The following OPCML variants were observed in gnomAD, a reference collection of about 807,000 sequenced individuals.
OPCML encodes the protein opioid-binding protein/cell adhesion molecule.
Under a neutral mutation model 37.8 loss-of-function variants are expected in OPCML, and 13 were observed. The ratio of observed to expected loss-of-function variants is 0.34; its 90% CI spans 0.22 to 0.55. OPCML has a LOEUF of 0.55. Ranked by LOEUF, OPCML falls within the 20% of genes least tolerant of loss-of-function variation. The pLI is 0.91. For synonymous variants in OPCML, 176 were observed against 168.8 expected, an observed-to-expected ratio of 1.04 and a Z score of -0.33; for missense variants, 341 against 435.6, an observed-to-expected ratio of 0.78 and a Z score of 1.93.
At chr11:132,783,912 T>C (rs1947115119) in intron 2 of OPCML, among the ~76,000 whole-genome samples, 1 of 152,214 alleles carries the variant, frequency 6.6e-6, no homozygotes, top group Non-Finnish European at 1.5e-5. Flanking sequence ...AATGCAACTT[T>C]ATTACTTTTA....
chr11:132,875,913 A>G (rs1459536785), intron 2 of OPCML, among the ~76,000 whole-genome samples: 1 of 152,228 alleles, frequency 6.6e-6, no homozygotes, highest in Non-Finnish European at 1.5e-5. Context: ...TCGACATACA[A>G]ACTGCATTAT....
chr11:132,995,985 T>G (rs1224029785), intron 1 of OPCML, among the ~76,000 whole-genome samples: 1 of 152,190 alleles, frequency 6.6e-6, no homozygotes, highest in African/African-American at 2.4e-5. Flanking sequence ...AAGAGTCTTC[T>G]CTTTAGAGTC....
At chr11:132,827,806 A>ATTTTTT (rs1555195072) in intron 2 of OPCML, among the ~76,000 whole-genome samples, 20 of 112,374 alleles carry the variant, frequency 1.8e-4, no homozygotes, top group Middle Eastern at 5.2e-3. Flanking sequence ...CGCCTGGCTG[A>ATTTTTT]ATTTTTTTTT....
At chr11:132,762,805 CT>C (rs1188663808) in intron 2 of OPCML, among the ~76,000 whole-genome samples, 3 of 152,156 alleles carry the variant, frequency 2.0e-5, no homozygotes, top group Admixed American at 1.3e-4. Flanking sequence ...CTTCAGCCCC[CT>C]TTCCAGGGGA....
At chr11:132,542,023 C>T (rs2096357808) in intron 3 of OPCML, among the ~76,000 whole-genome samples, 1 of 152,196 alleles carries the variant, frequency 6.6e-6, no homozygotes, top group Admixed American at 6.5e-5. Flanking sequence ...AGCATCTTCT[C>T]ATTCTCTGCT....
chr11:132,545,092 C>T (rs906519828), intron 3 of OPCML, among the ~76,000 whole-genome samples: 11 of 152,170 alleles, frequency 7.2e-5, no homozygotes, highest in Non-Finnish European at 1.2e-4. Flanking sequence ...GTAATTGTCA[C>T]GTACATATGA....
chr11:133,198,992 C>T (rs565154885), intron 1 of OPCML, among the ~76,000 whole-genome samples: 2 of 152,226 alleles, frequency 1.3e-5, no homozygotes, highest in Non-Finnish European at 2.9e-5. Flanking sequence ...CTCTCCTGTA[C>T]ACCAAGAAAC....
At position 132,427,773 on chromosome 11, in the gene OPCML, C is replaced by T. The variant is rs576602843; in HGVS notation, c.917-7480G>A. Among the ~76,000 whole-genome samples, 5 of 152,332 alleles carry T rather than the reference C, an allele frequency of 3.3e-5. No individual in the cohort carries two copies. The South Asian group carries it at 8.3e-4, about 25-fold the overall frequency. Reference sequence around the variant, plus strand: ...AACGCTCAATGTTAAATTCTAAATGCTCAGGCTAATAGCCAGATGTCAATG... The same window carrying T: ...AACGCTCAATGTTAAATTCTAAATGTTCAGGCTAATAGCCAGATGTCAATG... On this transcript the variant is annotated intron_variant, in intron 7 of 7. Coordinates refer to ENST00000524381, the MANE Select transcript of OPCML (RefSeq NM_001012393.5).
intron 2 of OPCML, among the ~76,000 whole-genome samples, chr11:132,939,523 G>A (rs770389814): frequency 1.3e-5 from 2 of 152,128 alleles, no homozygotes; most frequent in Non-Finnish European, 2.9e-5. Context: ...CCAGTATGTT[G>A]GTGGGAACTT....
chr11:133,140,615 A>G (rs1427719011), intron 1 of OPCML, among the ~76,000 whole-genome samples: 1 of 147,696 alleles, frequency 6.8e-6, no homozygotes. Context: ...AAAGAGAAGA[A>G]GAGGAAGAGG....
chr11:132,515,604 G>C (rs935407114), intron 4 of OPCML, among the ~76,000 whole-genome samples: 1 of 152,140 alleles, frequency 6.6e-6, no homozygotes, highest in African/African-American at 2.4e-5. Context: ...CCTATCCAAG[G>C]CTGGAACATT....
At chr11:133,204,888 A>ATATATATATGTGTG (rs1555114230) in intron 1 of OPCML, among the ~76,000 whole-genome samples, 3 of 129,152 alleles carry the variant, frequency 2.3e-5, no homozygotes, top group Non-Finnish European at 3.3e-5. Context: ...ATATATATAT[A>ATATATATATGTGTG]TATATATATA....
At position 132,618,125 on chromosome 11, in the gene OPCML, CA is replaced by C. The variant is rs1264645533; in HGVS notation, c.379+38961del. ...GAATAAAAGTTGATGGAAGTGCTGC[CA>C]CCTTCAAAGCATGATGACAGCACCA... On this transcript the variant is annotated intron_variant, in intron 3 of 7. Transcript: ENST00000524381. Among the ~76,000 whole-genome samples, 5 of 152,146 alleles carry C rather than the reference CA, an allele frequency of 3.3e-5. 1 individual carries two copies. The highest frequency in any genetic ancestry group is 7.3e-5 in the Non-Finnish European group (5 of 68,040).
chr11:133,523,228 G>T (rs1018617011), intron 1 of OPCML, among the ~76,000 whole-genome samples: 1 of 152,070 alleles, frequency 6.6e-6, no homozygotes, highest in African/African-American at 2.4e-5. Flanking sequence ...AAGAAGTATG[G>T]GATTTCTAAA....
At chr11:132,686,032 C>T (rs1565775068) in intron 2 of OPCML, among the ~76,000 whole-genome samples, 1 of 152,312 alleles carries the variant, frequency 6.6e-6, no homozygotes, top group South Asian at 2.1e-4. Flanking sequence ...CCTGCTCCCA[C>T]CTGCTGTCAT....
chr11:132,457,364 A>G (rs908805076), intron 4 of OPCML, among the ~76,000 whole-genome samples: 2 of 152,200 alleles, frequency 1.3e-5, no homozygotes, highest in African/African-American at 4.8e-5. Context: ...CTTACAATAG[A>G]GTTGTTCAGA....
chr11:133,519,431 C>T (rs1948355652), intron 1 of OPCML, among the ~76,000 whole-genome samples: 1 of 152,146 alleles, frequency 6.6e-6, no homozygotes, highest in Admixed American at 6.5e-5. Flanking sequence ...AGAGACACAA[C>T]AGAAGGACGA....
intron 1 of OPCML, among the ~76,000 whole-genome samples, chr11:133,035,195 G>C (rs1947755751): frequency 6.6e-6 from 1 of 152,178 alleles, no homozygotes; most frequent in Non-Finnish European, 1.5e-5. Flanking sequence ...ACAGGGGAGG[G>C]TGTGCCGGGC....
At chr11:133,474,216 C>G (rs963472881) in intron 1 of OPCML, among the ~76,000 whole-genome samples, 2 of 152,196 alleles carry the variant, frequency 1.3e-5, no homozygotes, top group Non-Finnish European at 2.9e-5. Context: ...TCTGACTGAA[C>G]TAGAATGCAT....
Sources: allele counts gnomAD v4.1 joint callset (sites outside exome capture counted in the v4.1 genomes callset), GRCh38; gene constraint gnomAD v4.1.1; transcripts MANE v1.5; gene names NCBI Gene and HGNC (gene_info 2026-07-23, HGNC 2026-07-21).